TBK1: variants seen among roughly 807,000 people sequenced by gnomAD.
TBK1 encodes the protein serine/threonine-protein kinase TBK1.
In TBK1, 37 loss-of-function variants were observed where a neutral mutation model predicts 99.9. The observed-to-expected ratio is 0.37, with a 90% CI of 0.28 to 0.49. The LOEUF (loss-of-function observed/expected upper bound fraction) is 0.49, where lower values mean the gene tolerates loss of function less well. Among genes scored for constraint, TBK1 ranks in the 20% least tolerant of loss-of-function variants. The probability of loss-of-function intolerance (pLI) is 0.98; values close to 1 mark genes in which losing one functional copy is unlikely to be tolerated. For synonymous variants in TBK1, 258 were observed against 279.8 expected, an observed-to-expected ratio of 0.92 and a Z score of 0.78; for missense variants, 644 against 872.5, an observed-to-expected ratio of 0.74 and a Z score of 3.30.
At chr12:64,478,113 A>T (rs2040733922) in intron 6 of TBK1, among the ~76,000 whole-genome samples, 1 of 152,122 alleles carries the variant, frequency 6.6e-6, no homozygotes, top group Admixed American at 6.5e-5. Flanking sequence ...GTCTTAACAT[A>T]TTTCTCAGAC....
At chr12:64,465,320 A>G (rs182284571) in intron 4 of TBK1, among the ~76,000 whole-genome samples, 57 of 151,536 alleles carry the variant, frequency 3.8e-4, no homozygotes, top group Admixed American at 1.5e-3. Context: ...TGGTAGGATT[A>G]TAAAATGATA....
At chr12:64,491,304 T>C (rs1427040413) in intron 13 of TBK1, among the ~76,000 whole-genome samples, 6 of 152,078 alleles carry the variant, frequency 3.9e-5, no homozygotes, top group African/African-American at 1.4e-4. Context: ...GTTGTTGTAC[T>C]AATTAAATGA....
intron 20 of TBK1, among the ~76,000 whole-genome samples, chr12:64,500,104 G>A (rs1191227125): frequency 6.6e-6 from 1 of 152,092 alleles, no homozygotes; most frequent in Non-Finnish European, 1.5e-5. Context: ...TTTATTTGCA[G>A]GTTTCTTGAC....
chr12:64,466,868 C>T (rs372499561), intron 4 of TBK1, 33 bp from the exon 5 acceptor site: 2 of 1,500,602 alleles, frequency 1.3e-6, no homozygotes, highest in African/African-American at 2.8e-5. Context: ...TAAATATCTA[C>T]ATTATGACTT....
chr12:64,497,091 C>T (rs141680103), intron 17 of TBK1, 41 bp downstream of exon 17: 428 of 1,582,826 alleles, frequency 2.7e-4, no homozygotes, highest in Non-Finnish European at 1.5e-5. Flanking sequence ...GTTGACTGCA[C>T]AATATAAATG....
chr12:64,456,356 A>G (rs1446206764), intron 2 of TBK1, among the ~76,000 whole-genome samples: 1 of 152,174 alleles, frequency 6.6e-6, no homozygotes, highest in East Asian at 1.9e-4. Context: ...GGGAACTCAC[A>G]GGTGTTTCTG....
At chr12:64,460,369 C>T (rs372192989) in intron 3 of TBK1, 40 bp downstream of exon 3, 55 of 1,424,146 alleles carry the variant, frequency 3.9e-5, no homozygotes, top group Admixed American at 1.2e-4. Flanking sequence ...ATTGTAGTTA[C>T]GAGTCAAGAA....
rs76333657 is a variant in TBK1, at chr12:64,477,297, G to T, written c.702-2715G>T. 2.0e-5 allele frequency among the ~76,000 whole-genome samples: 3 copies of T among 152,280 alleles called. No individual in the cohort carries two copies. In the East Asian group the frequency reaches 5.8e-4, roughly 29 times the overall value. On this transcript the variant is annotated intron_variant, in intron 6 of 20. Coordinates refer to ENST00000331710, the MANE Select transcript of TBK1 (RefSeq NM_013254.4). Reference sequence around the variant, plus strand: ...TGATATTGATTCTTCCAACCCATGCGCATGGAATGCTTTTCCATTTGTTGT... The same window carrying T: ...TGATATTGATTCTTCCAACCCATGCTCATGGAATGCTTTTCCATTTGTTGT...
Position 64,464,355 on chromosome 12 carries a change from CTTA to C in TBK1, c.255_257del (p.Ile85del). ...TCAGACAACAACAAGACATAAAGTA[CTTA>C]TTATGGAATTTTGTCCATGTGGGAG... is the stretch of plus-strand genomic sequence containing the variant. On this transcript the variant is annotated inframe_deletion, in exon 4 of 21. Transcript: ENST00000331710. The C allele has an allele frequency of 6.3e-7, 1 of 1,594,536 alleles. No homozygotes were observed. Among genetic ancestry groups the C allele is most frequent in the Non-Finnish European group, 8.5e-7 (1 of 1,171,964 alleles).
intron 1 of TBK1, among the ~76,000 whole-genome samples, chr12:64,455,085 G>A (rs1166743901): frequency 6.8e-6 from 1 of 147,268 alleles, no homozygotes; most frequent in East Asian, 2.0e-4. Context: ...CTTCCGGGTT[G>A]AAGTTATTCT....
chr12:64,460,354 T>C (rs754534439), intron 3 of TBK1, 25 bp downstream of exon 3: 78 of 1,494,784 alleles, frequency 5.2e-5, no homozygotes, highest in African/African-American at 8.5e-5. Context: ...TTCAATCTTA[T>C]ATTTATTGTA....
At position 64,488,477 on chromosome 12, in the gene TBK1, C is replaced by CT; in HGVS notation, c.1341-3dup. 1 of 1,507,158 alleles carries CT rather than the reference C, an allele frequency of 6.6e-7. No homozygotes were observed. Among genetic ancestry groups the CT allele is most frequent in the Non-Finnish European group, 8.9e-7 (1 of 1,117,462 alleles). The allele number at this position is 1,507,158 out of a possible 1,614,324, so 93.4% of individuals were successfully genotyped here. ...TAGATAAACTAATTAGAATAATTTT[C>CT]TTTTTTTAGTGAATTAATTAAAGAT... On this transcript the variant is annotated splice_polypyrimidine_tract_variant and intron_variant, in intron 11 of 20. Coordinates refer to ENST00000331710, the MANE Select transcript of TBK1 (RefSeq NM_013254.4).
chr12:64,490,987 G>C (rs1217887247), intron 13 of TBK1, among the ~76,000 whole-genome samples: 3 of 151,468 alleles, frequency 2.0e-5, no homozygotes, highest in Non-Finnish European at 4.4e-5. Flanking sequence ...AAAAAGGAAA[G>C]AAAGATTTGA....
chr12:64,499,729 C>T (rs1278763647), intron 20 of TBK1, among the ~76,000 whole-genome samples: 5 of 116,868 alleles, frequency 4.3e-5, no homozygotes, highest in East Asian at 5.5e-4. Flanking sequence ...GATGGAGTCT[C>T]GCTTTGTCGC....
At chr12:64,460,848 A>G (rs1024857675) in intron 3 of TBK1, among the ~76,000 whole-genome samples, 40 of 151,702 alleles carry the variant, frequency 2.6e-4, no homozygotes, top group Middle Eastern at 3.4e-3. Flanking sequence ...AAAAAAAAAA[A>G]AAAGAAAGGA....
chr12:64,497,452 A>G (rs1211860646), intron 18 of TBK1, among the ~76,000 whole-genome samples, 193 bp downstream of exon 18: 4 of 152,110 alleles, frequency 2.6e-5, no homozygotes, highest in Non-Finnish European at 5.9e-5. Flanking sequence ...CCTTTTATCA[A>G]CTGTATGAAA....
At chr12:64,483,343 A>G (rs2040786488) in intron 8 of TBK1, among the ~76,000 whole-genome samples, 1 of 152,212 alleles carries the variant, frequency 6.6e-6, no homozygotes, top group South Asian at 2.1e-4. Flanking sequence ...AGGCTTGTAG[A>G]GCCAAATTAC....
At chr12:64,469,777 T>C (rs1198794527) in intron 5 of TBK1, among the ~76,000 whole-genome samples, 1 of 149,842 alleles carries the variant, frequency 6.7e-6, no homozygotes, top group Non-Finnish European at 1.5e-5. Context: ...CTCTTTCTCT[T>C]TCTCTCACCC....
intron 10 of TBK1, 87 bp from the exon 11 acceptor site, chr12:64,485,839 G>A (rs774364228): frequency 4.4e-6 from 4 of 914,358 alleles, no homozygotes; most frequent in Non-Finnish European, 6.4e-6. Context: ...TGATAAAAAT[G>A]TGTAAGCTTG....
Sources: allele counts gnomAD v4.1 joint callset (sites outside exome capture counted in the v4.1 genomes callset), GRCh38; gene constraint gnomAD v4.1.1; transcripts MANE v1.5; gene names NCBI Gene and HGNC (gene_info 2026-07-23, HGNC 2026-07-21).